BNIP3: variants seen among roughly 807,000 people sequenced by gnomAD.
BNIP3 encodes the protein BCL2/adenovirus E1B 19 kDa protein-interacting protein 3.
Under a neutral mutation model 23.9 loss-of-function variants are expected in BNIP3, and 16 were observed. The observed-to-expected ratio is 0.67, with a 90% confidence interval of 0.45 to 1.01. The LOEUF is 1.01. Among genes scored for constraint, BNIP3 ranks in the 50% least tolerant of loss-of-function variants. BNIP3 has a pLI of 0.00. For synonymous variants in BNIP3, 81 were observed against 89.3 expected, an observed-to-expected ratio of 0.91 and a Z score of 0.53; for missense variants, 198 against 248.7, an observed-to-expected ratio of 0.80 and a Z score of 1.37.
Position 131,968,257 on chromosome 10 carries a change from A to G in BNIP3, c.*267T>C, listed in dbSNP as rs2036989285. On this transcript the variant is annotated 3_prime_UTR_variant, in exon 6 of 6. Coordinates refer to ENST00000368636, the MANE Select transcript of BNIP3 (RefSeq NM_004052.4). ...TAAAATTATTTATATTCAGATATTT[A>G]TATCTAATATCAAATGAAAATTTAC... is the stretch of plus-strand genomic sequence containing the variant. 3.5e-6 allele frequency: 1 copy of G among 283,174 alleles called. No homozygotes were observed. Among genetic ancestry groups the G allele is most frequent in the Non-Finnish European group, 6.7e-6 (1 of 150,198 alleles). The allele number at this position is 283,174 out of a possible 1,614,324, so 17.5% of individuals were successfully genotyped here. A position where few individuals can be genotyped will look rare whatever the true frequency, so the allele number is the denominator to read the frequency against.
chr10:131,968,451 C>T lies in BNIP3; in HGVS notation c.*73G>A, dbSNP rs1051714257. 4.0e-6 allele frequency: 5 copies of T among 1,261,628 alleles called. No homozygotes were observed. Among genetic ancestry groups the T allele is most frequent in the Non-Finnish European group, 5.8e-6 (5 of 865,446 alleles). 78.2% of individuals were successfully genotyped at this position (1,261,628 alleles called of 1,614,324 possible). On this transcript the variant is annotated 3_prime_UTR_variant, in exon 6 of 6. Transcript: ENST00000368636. ...GTGACGTGGCCACCCCAGGATCTAA[C>T]AGCTCTTCAGTGAGCTATGTTGCAA...
chr10:131,971,013 G>T (rs45443303), intron 3 of BNIP3, 43 bp from the exon 4 acceptor site: 6 of 1,575,280 alleles, frequency 3.8e-6, no homozygotes, highest in Non-Finnish European at 5.2e-6. Flanking sequence ...TGTACCACAC[G>T]TGACACGGGA....
chr10:131,968,515 A>C lies in BNIP3; in HGVS notation c.*9T>G. 1.3e-6 allele frequency: 2 copies of C among 1,586,538 alleles called. No homozygotes were observed. ...CCACTAACGAACCAAGTCAGACTCC[A>C]GTTCTTCATCAAAAGGTGCTGGTGG... On this transcript the variant is annotated 3_prime_UTR_variant, in exon 6 of 6. Transcript: ENST00000368636.
chr10:131,975,163 A>C (rs926697673), intron 1 of BNIP3, among the ~76,000 whole-genome samples: 1 of 152,232 alleles, frequency 6.6e-6, no homozygotes, highest in African/African-American at 2.4e-5. Context: ...ATCTACATGG[A>C]TTAATTTTCC....
chr10:131,970,541 G>T lies in BNIP3; in HGVS notation c.539+97C>A. On this transcript the variant is annotated intron_variant, in intron 5 of 5. Transcript: ENST00000368636. This position sits in a 1 kb window ranked among gnomAD's most constrained non-coding sequence, Gnocchi z 4.1. ...GAAAATGCACCAAGCTGTAACTGAT[G>T]ATCTGGACTTCAGGAAACAGGTTAC... is the stretch of plus-strand genomic sequence containing the variant. 1 of 1,465,768 alleles carries T rather than the reference G, an allele frequency of 6.8e-7. No individual in the cohort carries two copies. Among genetic ancestry groups the T allele is most frequent in the Admixed American group, 2.0e-5 (1 of 50,118 alleles). 90.8% of individuals were successfully genotyped at this position (1,465,768 alleles called of 1,614,324 possible). A position where few individuals can be genotyped will look rare whatever the true frequency, so the allele number is the denominator to read the frequency against.
At chr10:131,978,378 G>C (rs1173002308) in intron 1 of BNIP3, among the ~76,000 whole-genome samples, 1 of 143,498 alleles carries the variant, frequency 7.0e-6, no homozygotes, top group African/African-American at 2.6e-5. Flanking sequence ...TTCTCACTTT[G>C]TGTAAAAAAA....
intron 5 of BNIP3, chr10:131,969,231 G>C (rs1028843785): frequency 6.6e-6 from 1 of 152,404 alleles, no homozygotes; most frequent in Admixed American, 6.5e-5. Context: ...AGCTGAGGGG[G>C]TGTGGGTCGC....
At position 131,981,905 on chromosome 10, in the gene BNIP3, C is replaced by A. The variant is rs2037122879; in HGVS notation, c.-99G>T. On this transcript the variant is annotated 5_prime_UTR_variant, in exon 1 of 6. Transcript: ENST00000368636. Reference sequence around the variant, plus strand: ...AAAGCGGAGGTCGGAGCGCCGCGGCCCAGCTGCGCTCCCGGACTGAGCGGA... The same window carrying A: ...AAAGCGGAGGTCGGAGCGCCGCGGCACAGCTGCGCTCCCGGACTGAGCGGA... The A allele has an allele frequency of 5.3e-6, 7 of 1,315,886 alleles. No individual in the cohort carries two copies. The highest frequency in any genetic ancestry group is 1.8e-5 in the South Asian group (1 of 55,918). 81.5% of individuals were successfully genotyped at this position (1,315,886 alleles called of 1,614,324 possible).
intron 5 of BNIP3, chr10:131,968,815 C>T (rs533623517): frequency 1.5e-4 from 54 of 367,184 alleles, no homozygotes; most frequent in Middle Eastern, 8.3e-4. Flanking sequence ...ATCACCAAAC[C>T]GAATGCTGTT....
At chr10:131,971,270 A>C in intron 3 of BNIP3, 1 of 415,610 alleles carries the variant, frequency 2.4e-6, no homozygotes, top group Non-Finnish European at 4.5e-6. Context: ...GACAGCGGCA[A>C]ACACTGTCCT....
At chr10:131,977,419 G>C (rs113926622) in intron 1 of BNIP3, among the ~76,000 whole-genome samples, 4 of 152,170 alleles carry the variant, frequency 2.6e-5, no homozygotes, top group African/African-American at 9.7e-5. Flanking sequence ...ATGAAGGAGA[G>C]ACAAGTGTAT....
At position 131,973,892 on chromosome 10, in the gene BNIP3, G is replaced by A. The variant is rs1386257055; in HGVS notation, c.98C>T (p.Pro33Leu). The A allele has an allele frequency of 4.3e-6, 7 of 1,613,392 alleles. No homozygotes were observed. The highest frequency in any genetic ancestry group is 5.1e-6 in the Non-Finnish European group (6 of 1,180,052). ...FSNNGNGGSV[P>L]ASVSIYNGDM... is the part of the protein sequence containing the mutation. ...TCCATTATAAATAGAAACCGAGGCT[G>A]GAACGCTGCCCCCGTTCCCATTATT... Residue 33 changes from proline (P) to leucine (L), a missense_variant, in exon 2 of 6, where the codon CCA becomes CTA. By Grantham distance (98) the Pro-to-Leu change is moderately conservative (BLOSUM62 -3). Transcript: ENST00000368636.
Position 131,970,485 on chromosome 10 carries a change from G to A in BNIP3, c.539+153C>T. 8.6e-7 allele frequency: 1 copy of A among 1,158,182 alleles called. No individual in the cohort carries two copies. Among genetic ancestry groups the A allele is most frequent in the Non-Finnish European group, 1.2e-6 (1 of 843,030 alleles). 71.7% of individuals were successfully genotyped at this position (1,158,182 alleles called of 1,614,324 possible). A position where few individuals can be genotyped will look rare whatever the true frequency, so the allele number is the denominator to read the frequency against. On this transcript the variant is annotated intron_variant, in intron 5 of 5. Coordinates refer to ENST00000368636, the MANE Select transcript of BNIP3 (RefSeq NM_004052.4). This position sits in a 1 kb window ranked among gnomAD's most constrained non-coding sequence, Gnocchi z 4.1. ...TGGGGGCTGCAGGCTGGTGGTTTCT[G>A]GACCTGAACAGTGACTACGTGGGTG...
intron 2 of BNIP3, chr10:131,973,454 G>C (rs996300267): frequency 1.6e-5 from 7 of 436,654 alleles, no homozygotes; most frequent in African/African-American, 1.4e-4. Flanking sequence ...CTCTACCTTG[G>C]AGTCACTCAG....
At chr10:131,975,834 C>T (rs945137639) in intron 1 of BNIP3, among the ~76,000 whole-genome samples, 5 of 152,182 alleles carry the variant, frequency 3.3e-5, no homozygotes, top group African/African-American at 1.2e-4. Flanking sequence ...TCTCACGTTG[C>T]CTCATGTCCT....
Position 131,981,794 on chromosome 10 carries a change from C to G in BNIP3, c.13G>C (p.Gly5Arg), listed in dbSNP as rs1203741568. The G allele has an allele frequency of 2.0e-6, 3 of 1,482,104 alleles. No homozygotes were observed. The highest frequency in any genetic ancestry group is 4.6e-5 in the Admixed American group (2 of 43,930). The allele number at this position is 1,482,104 out of a possible 1,614,324, so 91.8% of individuals were successfully genotyped here. The change falls in exon 1 of 6, where the codon GGA becomes CGA. Residue 5 changes from glycine (G) to arginine (R), a missense_variant. By Grantham distance (125) the Gly-to-Arg change is moderately radical. Transcript: ENST00000368636. Reference sequence around the variant, plus strand: ...CTCTCCTCCTGCATCCCGGGCGCTCCGTTCTGCGACATGGCGCCAGAGGGC... The same window carrying G: ...CTCTCCTCCTGCATCCCGGGCGCTCGGTTCTGCGACATGGCGCCAGAGGGC... MSQN[G>R]APGMQEESLQ...
chr10:131,969,891 A>AT (rs2037009764), intron 5 of BNIP3: 1 of 152,442 alleles, frequency 6.6e-6, no homozygotes, highest in East Asian at 1.9e-4. Context: ...GTGAGTGAGT[A>AT]TAAGCAGCCA....
At chr10:131,981,658 G>A in intron 1 of BNIP3, 103 bp downstream of exon 1, 1 of 1,284,386 alleles carries the variant, frequency 7.8e-7, no homozygotes, top group South Asian at 1.8e-5. Flanking sequence ...GGCCCGCGAT[G>A]CCCCCTAGGC....
Position 131,981,656 on chromosome 10 carries a change from A to G in BNIP3, c.46+105T>C, listed in dbSNP as rs1027250197. The stretch of plus-strand genomic sequence containing the variant: ...ATGGCGCAGCCTCGCCCGGCCCGCG[A>G]TGCCCCCTAGGCCTCCCCGGCAACC... On this transcript the variant is annotated intron_variant, in intron 1 of 5. Coordinates refer to ENST00000368636, the MANE Select transcript of BNIP3 (RefSeq NM_004052.4). 21 of 1,284,990 alleles carry G rather than the reference A, an allele frequency of 1.6e-5. No homozygotes were observed. In the Admixed American group the frequency reaches 5.4e-4, roughly 33 times the overall value. The allele number at this position is 1,284,990 out of a possible 1,614,324, so 79.6% of individuals were successfully genotyped here. A position where few individuals can be genotyped will look rare whatever the true frequency, so the allele number is the denominator to read the frequency against.
Sources: gnomAD v4.1 joint callset for allele counts (sites outside exome capture counted in the v4.1 genomes callset) on GRCh38, gnomAD v4.1.1 for gene constraint, Gnocchi (gnomAD v3.1) non-coding constraint, MANE v1.5 for transcripts, NCBI Gene and HGNC (gene_info 2026-07-23, HGNC 2026-07-21) for gene names.